ZHX2: variants seen among roughly 807,000 people sequenced by gnomAD.
ZHX2 encodes zinc fingers and homeoboxes 2, also known as zinc fingers and homeoboxes protein 2.
Under a neutral mutation model 21.9 loss-of-function variants are expected in ZHX2, and 6 were observed. The observed-to-expected ratio is 0.27, with a 90% CI of 0.15 to 0.54. The LOEUF (loss-of-function observed/expected upper bound fraction) is 0.54. Ranked by LOEUF, ZHX2 falls within the 20% of genes least tolerant of loss-of-function variation. The pLI is 0.95. For synonymous variants in ZHX2, 434 were observed against 437.1 expected, an observed-to-expected ratio of 0.99 and a Z score of 0.09; for missense variants, 908 against 1,090.7, an observed-to-expected ratio of 0.83 and a Z score of 2.36.
chr8:122,817,733 C>A (rs1401403074), intron 1 of ZHX2, among the ~76,000 whole-genome samples: 1 of 152,176 alleles, frequency 6.6e-6, no homozygotes, highest in African/African-American at 2.4e-5. Flanking sequence ...CATTGTGCTG[C>A]CTTTGGACAC....
At chr8:122,790,010 A>C (rs1278497171) in intron 1 of ZHX2, among the ~76,000 whole-genome samples, 1 of 152,230 alleles carries the variant, frequency 6.6e-6, no homozygotes, top group East Asian at 1.9e-4. Context: ...AATGGTAAAC[A>C]TTCCAAAGAA....
At chr8:122,907,192 CT>C (rs1820369758) in intron 2 of ZHX2, among the ~76,000 whole-genome samples, 2 of 152,100 alleles carry the variant, frequency 1.3e-5, no homozygotes. Context: ...TTTCCTCAAC[CT>C]TTTGACAGCC....
intron 2 of ZHX2, among the ~76,000 whole-genome samples, chr8:122,933,878 A>T (rs1164882408): frequency 1.3e-5 from 2 of 152,168 alleles, no homozygotes; most frequent in African/African-American, 4.8e-5. Flanking sequence ...TCAGCTTTAC[A>T]ATACATCTAG....
chr8:122,897,167 A>G (rs1388760314), intron 2 of ZHX2, among the ~76,000 whole-genome samples: 2 of 152,224 alleles, frequency 1.3e-5, no homozygotes, highest in African/African-American at 2.4e-5. Flanking sequence ...CCAGATCATG[A>G]GAGGCAAAAC....
chr8:122,953,692 C>G lies in ZHX2; in HGVS notation c.2182C>G (p.Pro728Ala). The G allele has an allele frequency of 1.2e-6, 2 of 1,614,200 alleles. No homozygotes were observed. Among genetic ancestry groups the G allele is most frequent in the Middle Eastern group, 3.3e-4 (2 of 6,062 alleles). The change falls in exon 3 of 4, where the codon CCA becomes GCA. Residue 728 changes from proline to alanine, a missense_variant. Coordinates refer to ENST00000314393, the MANE Select transcript of ZHX2 (RefSeq NM_014943.5). This position sits in a 1 kb window ranked among gnomAD's most constrained non-coding sequence, Gnocchi z 4.6. Reference protein sequence around the residue: ...ESPKNGGDVVPQYYKDPKKLC... With the variant: ...ESPKNGGDVVAQYYKDPKKLC... ...CCCAAAGAACGGGGGTGATGTGGTT[C>G]CACAATATTACAAGGACCCCAAAAA...
chr8:122,952,557 C>A lies in ZHX2; in HGVS notation c.1047C>A (p.Pro349=). 1 of 1,614,204 alleles carries A rather than the reference C, an allele frequency of 6.2e-7. No homozygotes were observed. Among genetic ancestry groups the A allele is most frequent in the Non-Finnish European group, 8.5e-7 (1 of 1,180,048 alleles). Residue 349 remains proline, a synonymous_variant, in exon 3 of 4, where the codon CCC becomes CCA. Coordinates refer to ENST00000314393, the MANE Select transcript of ZHX2 (RefSeq NM_014943.5). The surrounding 1 kb of genome is among the most constrained non-coding windows in gnomAD (Gnocchi z 6.9). ...QSVPPTITVL[P]AQLAPTKVTQ... ...TACCCCCGACCATCACTGTGCTGCC[C>A]GCCCAGTTGGCCCCCACAAAGGTGA...
intron 1 of ZHX2, among the ~76,000 whole-genome samples, chr8:122,853,922 T>G (rs1427781041): frequency 1.3e-5 from 2 of 152,182 alleles, no homozygotes; most frequent in African/African-American, 4.8e-5. Flanking sequence ...GACTCTTTTT[T>G]TAACACATCA....
intron 2 of ZHX2, among the ~76,000 whole-genome samples, chr8:122,930,175 A>G (rs1820950637): frequency 6.6e-6 from 1 of 152,176 alleles, no homozygotes; most frequent in South Asian, 2.1e-4. Flanking sequence ...CTCCTGCAAG[A>G]GGATGCATGT....
At chr8:122,795,740 T>C (rs1817602078) in intron 1 of ZHX2, among the ~76,000 whole-genome samples, 1 of 152,188 alleles carries the variant, frequency 6.6e-6, no homozygotes, top group Non-Finnish European at 1.5e-5. Context: ...ATGAGGAAAT[T>C]AAGGCTTCAA....
chr8:122,912,928 A>C lies in ZHX2; in HGVS notation c.-219-38364A>C, dbSNP rs73711248. On this transcript the variant is annotated intron_variant, in intron 2 of 3. Transcript: ENST00000314393. The stretch of plus-strand genomic sequence containing the variant: ...TTCATCCATTGAAGGTTTACCGTTC[A>C]GTGGTTTTTAATATATTCAGAGTCA... Among the ~76,000 whole-genome samples the C allele has an allele frequency of 6.7e-3, 1,026 of 152,326 alleles. 14 individuals carry two copies. The highest frequency in any genetic ancestry group is 0.024 in the African/African-American group (986 of 41,560).
At chr8:122,796,985 G>A (rs563189951) in intron 1 of ZHX2, among the ~76,000 whole-genome samples, 40 of 152,252 alleles carry the variant, frequency 2.6e-4, no homozygotes, top group African/African-American at 7.0e-4. Flanking sequence ...CGGCCAGGGG[G>A]TTCCTTGGCA....
intron 2 of ZHX2, among the ~76,000 whole-genome samples, chr8:122,914,699 C>T (rs1337620082): frequency 6.6e-6 from 1 of 152,216 alleles, no homozygotes; most frequent in Non-Finnish European, 1.5e-5. Context: ...CTCATGCGCT[C>T]ATTCAGACAC....
At chr8:122,807,898 T>C (rs1817854266) in intron 1 of ZHX2, 1 of 152,214 alleles carries the variant, frequency 6.6e-6, no homozygotes, top group Admixed American at 6.5e-5. Flanking sequence ...TACTCCCTCT[T>C]TATTAGAGAA....
At chr8:122,860,762 G>A (rs1331535832) in intron 1 of ZHX2, among the ~76,000 whole-genome samples, 2 of 152,076 alleles carry the variant, frequency 1.3e-5, no homozygotes, top group South Asian at 2.1e-4. Flanking sequence ...AGGGTCGGGC[G>A]TGGTGGCTCA....
At chr8:122,825,841 C>A (rs557397952) in intron 1 of ZHX2, among the ~76,000 whole-genome samples, 1 of 152,186 alleles carries the variant, frequency 6.6e-6, no homozygotes, top group African/African-American at 2.4e-5. Context: ...CTGCACCAAC[C>A]CCTTTGGACC....
At chr8:122,851,833 G>A (rs908440755) in intron 1 of ZHX2, among the ~76,000 whole-genome samples, 5 of 152,138 alleles carry the variant, frequency 3.3e-5, no homozygotes, top group East Asian at 1.9e-4. Context: ...GAACCAACTC[G>A]TCTTACTCCA....
At chr8:122,875,028 G>A (rs567785693) in intron 2 of ZHX2, among the ~76,000 whole-genome samples, 22 of 150,964 alleles carry the variant, frequency 1.5e-4, no homozygotes, top group South Asian at 6.3e-4. Context: ...AATCACCATG[G>A]CTGGTTTTAT....
chr8:122,826,382 T>C (rs184877063), intron 1 of ZHX2, among the ~76,000 whole-genome samples: 27 of 152,286 alleles, frequency 1.8e-4, no homozygotes, highest in Admixed American at 1.7e-3. Context: ...GGCGGGGGCA[T>C]ATTTTAAGGC....
At chr8:122,850,126 T>A (rs1019141779) in intron 1 of ZHX2, among the ~76,000 whole-genome samples, 1 of 152,186 alleles carries the variant, frequency 6.6e-6, no homozygotes, top group African/African-American at 2.4e-5. Flanking sequence ...TCTTTTTCTC[T>A]CACACTTCAT....
Sources: allele counts gnomAD v4.1 joint callset (sites outside exome capture counted in the v4.1 genomes callset), GRCh38; gene constraint gnomAD v4.1.1; non-coding constraint Gnocchi (gnomAD v3.1); transcripts MANE v1.5; gene names NCBI Gene and HGNC (gene_info 2026-07-23, HGNC 2026-07-21).